TMEM117: variants seen among roughly 807,000 people sequenced by gnomAD.
TMEM117 encodes the protein transmembrane protein 117.
Under a neutral mutation model 52.4 loss-of-function variants are expected in TMEM117, and 27 were observed. The observed-to-expected ratio is 0.51, with a 90% CI of 0.38 to 0.71. The LOEUF is 0.71. Among genes scored for constraint, TMEM117 ranks in the 30% least tolerant of loss-of-function variants. TMEM117 has a pLI of 0.00. For missense variants in TMEM117, 556 were observed against 630.5 expected, an observed-to-expected ratio of 0.88 and a Z score of 1.26; for synonymous variants, 215 against 206.3, an observed-to-expected ratio of 1.04 and a Z score of -0.36.
chr12:44,218,655 T>G (rs1452532952), intron 5 of TMEM117, among the ~76,000 whole-genome samples: 1 of 152,116 alleles, frequency 6.6e-6, no homozygotes, highest in Non-Finnish European at 1.5e-5. Context: ...AACAAACAAG[T>G]CCAAATTGTT....
At chr12:43,900,087 A>T (rs1418469453) in intron 2 of TMEM117, among the ~76,000 whole-genome samples, 1 of 152,178 alleles carries the variant, frequency 6.6e-6, no homozygotes, top group African/African-American at 2.4e-5. Flanking sequence ...CTCATTTCTC[A>T]GCTTATTCTC....
intron 6 of TMEM117, among the ~76,000 whole-genome samples, chr12:44,327,800 G>T (rs1426818247): frequency 6.6e-6 from 1 of 152,046 alleles, no homozygotes; most frequent in Non-Finnish European, 1.5e-5. Context: ...AGTGTGCTGT[G>T]CAGGAAAAGT....
intron 3 of TMEM117, among the ~76,000 whole-genome samples, chr12:44,088,466 T>C (rs923558396): frequency 1.3e-5 from 2 of 152,202 alleles, no homozygotes; most frequent in African/African-American, 4.8e-5. Flanking sequence ...GATTTTTCCA[T>C]TATATTGTAT....
intron 3 of TMEM117, among the ~76,000 whole-genome samples, chr12:44,093,689 T>G (rs1445645688): frequency 6.6e-6 from 1 of 152,010 alleles, no homozygotes; most frequent in Non-Finnish European, 1.5e-5. Context: ...TACATAGATC[T>G]TTTAAGAAAT....
chr12:44,262,878 C>T (rs1479633589), intron 5 of TMEM117, among the ~76,000 whole-genome samples: 2 of 152,196 alleles, frequency 1.3e-5, no homozygotes, highest in African/African-American at 2.4e-5. Flanking sequence ...TGAGCCACTG[C>T]GCCCCGCCGA....
At chr12:43,837,703 A>G (rs1352859321) in intron 1 of TMEM117, among the ~76,000 whole-genome samples, 1 of 152,224 alleles carries the variant, frequency 6.6e-6, no homozygotes. Flanking sequence ...TTTAAAGGAT[A>G]TAGTAGTGAT....
chr12:43,826,205 T>C, the TMEM117 span, among the ~76,000 whole-genome samples: 1 of 152,212 alleles, frequency 6.6e-6, no homozygotes, highest in Admixed American at 6.5e-5. Flanking sequence ...GCTCAGTGAG[T>C]CTACCTTGGC....
intron 6 of TMEM117, among the ~76,000 whole-genome samples, chr12:44,321,455 A>G (rs572539174): frequency 1.3e-5 from 2 of 152,318 alleles, no homozygotes; most frequent in Admixed American, 1.3e-4. Context: ...TCTGAATGCA[A>G]AGTCACCAGG....
At chr12:43,947,757 C>T (rs1945156247) in intron 3 of TMEM117, among the ~76,000 whole-genome samples, 1 of 152,116 alleles carries the variant, frequency 6.6e-6, no homozygotes, top group African/African-American at 2.4e-5. Context: ...GAATTATTTC[C>T]AAAACAGTTT....
intron 4 of TMEM117, among the ~76,000 whole-genome samples, chr12:44,207,803 TA>T (rs111798692): frequency 0.061 from 8,547 of 140,658 alleles, 269 homozygotes; most frequent in Middle Eastern, 0.08. Context: ...TTGCCCTAAA[TA>T]AAAAAAAAAA....
At chr12:44,147,935 A>T (rs1240645306) in intron 4 of TMEM117, among the ~76,000 whole-genome samples, 3 of 149,928 alleles carry the variant, frequency 2.0e-5, no homozygotes. Context: ...CTGTCTCAAA[A>T]AAAAAAAAAA....
At chr12:44,292,015 G>T (rs187628475) in intron 5 of TMEM117, among the ~76,000 whole-genome samples, 1 of 151,926 alleles carries the variant, frequency 6.6e-6, no homozygotes, top group Admixed American at 6.5e-5. Context: ...TGAGATTGGA[G>T]GTATCCTCTC....
chr12:43,934,120 TC>T (rs5797885), intron 2 of TMEM117, among the ~76,000 whole-genome samples: 15,061 of 152,202 alleles, frequency 0.099, 891 homozygotes, highest in Middle Eastern at 0.22. Flanking sequence ...CCAAATTGAT[TC>T]CGTCAAAATT....
intron 3 of TMEM117, among the ~76,000 whole-genome samples, chr12:43,956,388 A>G (rs1012744254): frequency 6.6e-6 from 1 of 151,956 alleles, no homozygotes; most frequent in East Asian, 1.9e-4. Context: ...TTTGCAATCT[A>G]TCCATCTGAC....
chr12:44,236,183 T>G (rs554005140), intron 5 of TMEM117, among the ~76,000 whole-genome samples: 56 of 149,096 alleles, frequency 3.8e-4, no homozygotes, highest in South Asian at 8.4e-4. Context: ...TATATATATA[T>G]ATATAGAGAG....
At chr12:44,233,788 T>TGACTGCTGA in intron 5 of TMEM117, among the ~76,000 whole-genome samples, 1 of 151,510 alleles carries the variant, frequency 6.6e-6, no homozygotes, top group Non-Finnish European at 1.5e-5. Flanking sequence ...TCATTGATTT[T>TGACTGCTGA]GACTGCTGAA....
At chr12:44,159,929 A>T (rs1948876174) in intron 4 of TMEM117, among the ~76,000 whole-genome samples, 1 of 152,160 alleles carries the variant, frequency 6.6e-6, no homozygotes, top group Admixed American at 6.5e-5. Context: ...CACAGGAACA[A>T]ATGTAGGCAA....
chr12:44,000,951 C>T (rs1946107341), intron 3 of TMEM117, among the ~76,000 whole-genome samples: 1 of 152,138 alleles, frequency 6.6e-6, no homozygotes, highest in African/African-American at 2.4e-5. Context: ...GAGGTCCTCA[C>T]TATGTATCCA....
intron 3 of TMEM117, among the ~76,000 whole-genome samples, chr12:43,997,366 A>G (rs1265795988): frequency 6.6e-6 from 1 of 152,190 alleles, no homozygotes; most frequent in Non-Finnish European, 1.5e-5. Flanking sequence ...TTTTTTTGGT[A>G]TAAGGACAGG....
Sources: gnomAD v4.1 joint callset for allele counts (sites outside exome capture counted in the v4.1 genomes callset) on GRCh38, gnomAD v4.1.1 for gene constraint, MANE v1.5 for transcripts, NCBI Gene and HGNC (gene_info 2026-07-23, HGNC 2026-07-21) for gene names.